MLXIP: variants seen among roughly 807,000 people sequenced by gnomAD.
The protein encoded by MLXIP is MLX interacting protein, also known as MLX-interacting protein.
A neutral mutation model predicts 87.2 loss-of-function variants in MLXIP; 30 were observed. That is an observed-to-expected ratio of 0.34 (90% CI 0.26 to 0.47). The LOEUF is 0.47. MLXIP is among the 20% of genes least tolerant of loss of function. The probability of loss-of-function intolerance (pLI) is 1.00; values close to 1 mark genes in which losing one functional copy is unlikely to be tolerated. For missense variants in MLXIP, 1,002 were observed against 1,240.1 expected (o/e 0.81, Z 2.88); for synonymous variants, 530 against 514.0 (o/e 1.03, Z -0.42).
chr12:122,122,949 C>T (rs1044951744), intron 1 of MLXIP, among the ~76,000 whole-genome samples: 3 of 151,992 alleles, frequency 2.0e-5, no homozygotes, highest in Admixed American at 1.3e-4. Flanking sequence ...CGCCTCAGCC[C>T]TCCAAGTGCT....
At chr12:122,097,963 A>G (rs1411420202) in intron 1 of MLXIP, among the ~76,000 whole-genome samples, 1 of 152,178 alleles carries the variant, frequency 6.6e-6, no homozygotes, top group African/African-American at 2.4e-5. Context: ...ACTGTGAGCC[A>G]GCAGGTAGGT....
At chr12:122,103,146 G>A (rs1194417617) in intron 1 of MLXIP, among the ~76,000 whole-genome samples, 2 of 152,058 alleles carry the variant, frequency 1.3e-5, no homozygotes, top group South Asian at 2.1e-4. Context: ...TGGGACTACA[G>A]GTGTACGCCA....
In MLXIP at chr12:122,078,819, G is replaced by C; in HGVS notation, c.-35G>C. ...CCTCGCGCGCTTGTCGCGTTGCCCC[G>C]GGCTCCGGGGGATGCCCCCGGCCGA... On this transcript the variant is annotated 5_prime_UTR_variant, in exon 1 of 17. Transcript: ENST00000319080. 9.6e-7 allele frequency: 1 copy of C among 1,038,464 alleles called. No individual in the cohort carries two copies. The highest frequency in any genetic ancestry group is 4.3e-5 in the South Asian group (1 of 23,246). 64.3% of individuals were successfully genotyped at this position (1,038,464 alleles called of 1,614,324 possible).
Position 122,134,118 on chromosome 12 carries a change from C to G in MLXIP, c.1732+131C>G. The stretch of plus-strand genomic sequence containing the variant: ...GCACGTGCATGCGCACACACATACA[C>G]TTAAATGAAACAAAAGTGTCATGAA... On this transcript the variant is annotated intron_variant, in intron 9 of 16. Transcript: ENST00000319080. The G allele has an allele frequency of 2.7e-6, 3 of 1,093,368 alleles. No homozygotes were observed. The South Asian group carries it at 5.2e-5, about 19-fold the overall frequency. The allele number at this position is 1,093,368 out of a possible 1,614,324, so 67.7% of individuals were successfully genotyped here. A position where few individuals can be genotyped will look rare whatever the true frequency, so the allele number is the denominator to read the frequency against.
intron 1 of MLXIP, among the ~76,000 whole-genome samples, chr12:122,089,767 TG>T (rs1952219069): frequency 6.6e-6 from 1 of 152,242 alleles, no homozygotes; most frequent in African/African-American, 2.4e-5. Flanking sequence ...TTCAGTTTTT[TG>T]GATGTACCAC....
intron 1 of MLXIP, among the ~76,000 whole-genome samples, chr12:122,122,099 C>CA (rs1168102376): frequency 6.6e-6 from 1 of 151,858 alleles, no homozygotes; most frequent in Non-Finnish European, 1.5e-5. Context: ...AGGTGGAGGC[C>CA]AGAGGAGGAT....
chr12:122,093,513 G>T (rs1952283143), intron 1 of MLXIP, among the ~76,000 whole-genome samples: 1 of 148,300 alleles, frequency 6.7e-6, no homozygotes, highest in Admixed American at 6.7e-5. Context: ...CTGTGTTGGT[G>T]TGTGTGGAGG....
intron 15 of MLXIP, among the ~76,000 whole-genome samples, chr12:122,139,834 C>T (rs12322391): frequency 0.018 from 2,816 of 152,268 alleles, 79 homozygotes; most frequent in African/African-American, 0.064. Context: ...CCACCACGCC[C>T]GGCTAATTTT....
intron 1 of MLXIP, among the ~76,000 whole-genome samples, chr12:122,098,963 C>T (rs879936480): frequency 1.1e-4 from 17 of 152,208 alleles, no homozygotes; most frequent in African/African-American, 2.2e-4. Context: ...AGCAGCTGGG[C>T]GTGGTGGCTC....
chr12:122,084,147 TGTGTG>T (rs1952132224), intron 1 of MLXIP, among the ~76,000 whole-genome samples: 1 of 7,588 alleles, frequency 1.3e-4, no homozygotes, highest in Non-Finnish European at 2.3e-3. Flanking sequence ...AGCCAGATTG[TGTGTG>T]TGTGTGTGTG....
At chr12:122,116,089 A>C (rs1241827020) in intron 1 of MLXIP, among the ~76,000 whole-genome samples, 1 of 130,014 alleles carries the variant, frequency 7.7e-6, no homozygotes, top group Admixed American at 7.2e-5. Context: ...CACACACACA[A>C]CATTGACATT....
At chr12:122,139,032 T>A (rs2135993096) in intron 15 of MLXIP, 94 bp downstream of exon 15, 2 of 1,535,316 alleles carry the variant, frequency 1.3e-6, no homozygotes, top group East Asian at 4.6e-5. Context: ...AAAGACTCTT[T>A]AAATGCCTGT....
chr12:122,095,073 T>G (rs1448116658), intron 1 of MLXIP, among the ~76,000 whole-genome samples: 1 of 139,012 alleles, frequency 7.2e-6, no homozygotes, highest in African/African-American at 2.7e-5. Context: ...TGGGGTGGTG[T>G]TGGTGTATGT....
chr12:122,089,649 T>C (rs1952217652), intron 1 of MLXIP, among the ~76,000 whole-genome samples: 1 of 152,190 alleles, frequency 6.6e-6, no homozygotes, highest in Non-Finnish European at 1.5e-5. Flanking sequence ...TGTGCAGTCA[T>C]TGTCACAGCC....
intron 1 of MLXIP, among the ~76,000 whole-genome samples, chr12:122,114,358 T>C (rs1029532032): frequency 2.6e-5 from 4 of 152,250 alleles, no homozygotes; most frequent in African/African-American, 9.6e-5. Context: ...AATAATTCAC[T>C]AGAAAAACAG....
At chr12:122,093,677 A>G (rs1350563670) in intron 1 of MLXIP, among the ~76,000 whole-genome samples, 77,776 of 117,250 alleles carry the variant, frequency 0.66, 23,280 homozygotes, top group African/African-American at 0.78. Context: ...TGTGTGGTGT[A>G]TGTGTGCGGT....
intron 16 of MLXIP, 37 bp from the exon 17 acceptor site, chr12:122,141,654 G>C (rs747858771): frequency 1.9e-6 from 3 of 1,609,186 alleles, no homozygotes; most frequent in Admixed American, 1.7e-5. Context: ...TGGTGGGTCT[G>C]TGTCACTGCC....
intron 1 of MLXIP, among the ~76,000 whole-genome samples, chr12:122,090,335 A>G (rs1337784640): frequency 6.6e-6 from 1 of 152,124 alleles, no homozygotes; most frequent in Non-Finnish European, 1.5e-5. Context: ...GTCTCTACCG[A>G]AAATACAAAA....
intron 1 of MLXIP, among the ~76,000 whole-genome samples, chr12:122,086,137 G>T (rs1006387069): frequency 6.6e-6 from 1 of 152,180 alleles, no homozygotes; most frequent in Admixed American, 6.5e-5. Context: ...AAAGGCGAGG[G>T]GACGGGTTCT....
Sources: allele counts gnomAD v4.1 joint callset (sites outside exome capture counted in the v4.1 genomes callset), GRCh38; gene constraint gnomAD v4.1.1; transcripts MANE v1.5; gene names NCBI Gene and HGNC (gene_info 2026-07-23, HGNC 2026-07-21).